CATSPERE: variants seen among roughly 807,000 people sequenced by gnomAD.
CATSPERE encodes the protein cation channel sperm-associated auxiliary subunit epsilon.
Under a neutral mutation model 114.1 loss-of-function variants are expected in CATSPERE, and 93 were observed. That is an observed-to-expected ratio of 0.81 (90% CI 0.69 to 0.97). CATSPERE has a LOEUF of 0.97. CATSPERE is among the 50% of genes least tolerant of loss of function. The probability of loss-of-function intolerance (pLI) is 0.00; values close to 1 mark genes in which losing one functional copy is unlikely to be tolerated. For missense variants in CATSPERE, 1,058 were observed against 1,131.6 expected (o/e 0.93, Z 0.93); for synonymous variants, 341 against 384.1 (o/e 0.89, Z 1.31).
upstream of CATSPERE, chr1:244,451,593 G>C (rs974591264): frequency 4.5e-6 from 7 of 1,565,618 alleles, no homozygotes; most frequent in Admixed American, 1.9e-5. This position sits in a 1 kb window ranked among gnomAD's most constrained non-coding sequence, Gnocchi z 6.6. Flanking sequence ...GGCAGCCCGA[G>C]CTCCCGGGCC....
intron 11 of CATSPERE, among the ~76,000 whole-genome samples, chr1:244,578,843 T>TATATATATATATAC (rs756669283): frequency 3.8e-4 from 53 of 139,588 alleles, no homozygotes; most frequent in African/African-American, 1.0e-3. Context: ...TATATATATA[T>TATATATATATATAC]ACACACACAC....
rs377616105 is a variant in CATSPERE, at chr1:244,629,715, A to G, written c.2649-5774A>G. Among the ~76,000 whole-genome samples, 64 of 151,774 alleles carry G rather than the reference A, an allele frequency of 4.2e-4. 1 individual carries two copies. The highest frequency in any genetic ancestry group is 1.3e-3 in the African/African-American group (52 of 41,378). ...AGTACAATGGCATGATCTCAGCTCA[A>G]TGCAGTCCCTGCCTCCCAAGCTCAA... On this transcript the variant is annotated intron_variant, in intron 20 of 21. Transcript: ENST00000366534.
upstream of CATSPERE, chr1:244,451,824 A>T (rs1242302330): frequency 3.8e-6 from 6 of 1,577,700 alleles, no homozygotes; most frequent in African/African-American, 1.3e-5. This position sits in a 1 kb window ranked among gnomAD's most constrained non-coding sequence, Gnocchi z 6.6. Flanking sequence ...CCATGGCTCC[A>T]GTGACGCGAG....
At chr1:244,494,408 C>T (rs1672750925) in intron 6 of CATSPERE, among the ~76,000 whole-genome samples, 1 of 133,332 alleles carries the variant, frequency 7.5e-6, no homozygotes, top group African/African-American at 2.9e-5. Context: ...ACAATGAGAA[C>T]ACATGGACAC....
At chr1:244,562,416 A>C (rs1206391475) in intron 10 of CATSPERE, among the ~76,000 whole-genome samples, 1 of 152,164 alleles carries the variant, frequency 6.6e-6, no homozygotes, top group Non-Finnish European at 1.5e-5. Flanking sequence ...ATGTACACAC[A>C]CTGATACAAG....
rs1200825424 is a variant in CATSPERE, at chr1:244,633,507, GCTATTGAATTAAATTCAA to G, written c.2649-1981_2649-1964del. On this transcript the variant is annotated intron_variant, in intron 20 of 21. Coordinates refer to ENST00000366534, the MANE Select transcript of CATSPERE (RefSeq NM_001130957.2). The surrounding 1 kb of genome is among the most constrained non-coding windows in gnomAD (Gnocchi z 4.1). ...TCTATTCCAAATCACTTTACAAACT[GCTATTGAATTAAATTCAA>G]AAACAGTCATGACTCCTTTATACAA... is the stretch of plus-strand genomic sequence containing the variant. Among the ~76,000 whole-genome samples the G allele has an allele frequency of 6.6e-6, 1 of 152,024 alleles. No homozygotes were observed. Among genetic ancestry groups the G allele is most frequent in the Non-Finnish European group, 1.5e-5 (1 of 68,032 alleles).
At chr1:244,493,615 T>G (rs1480250974) in intron 6 of CATSPERE, among the ~76,000 whole-genome samples, 1 of 152,076 alleles carries the variant, frequency 6.6e-6, no homozygotes, top group Non-Finnish European at 1.5e-5. Flanking sequence ...CTAATTAAAC[T>G]AAAGAGCTTC....
Position 244,593,382 on chromosome 1 carries a change from GTC to G in CATSPERE, c.2190-11_2190-10del. 6.2e-7 allele frequency: 1 copy of G among 1,611,408 alleles called. No individual in the cohort carries two copies. The highest frequency in any genetic ancestry group is 8.5e-7 in the Non-Finnish European group (1 of 1,179,600). ...AGAGGAAAGAGAAATAATGAGGAAT[GTC>G]TTTTTCACAGGTCATATCTGAGGCA... On this transcript the variant is annotated splice_polypyrimidine_tract_variant and intron_variant, in intron 15 of 21. Transcript: ENST00000366534.
At chr1:244,460,306 C>T (rs770440500), upstream of CATSPERE, among the ~76,000 whole-genome samples, 1 of 152,138 alleles carries the variant, frequency 6.6e-6, no homozygotes, top group South Asian at 2.1e-4. Flanking sequence ...TGCCCTAAAC[C>T]GCTCCTAAGA....
intron 2 of CATSPERE, among the ~76,000 whole-genome samples, chr1:244,467,833 CTG>C (rs1000929166): frequency 5.9e-4 from 90 of 152,280 alleles, no homozygotes; most frequent in African/African-American, 1.9e-3. Context: ...TCACTGTACT[CTG>C]TGAAAGTAGC....
At chr1:244,610,604 T>G (rs1397551958) in intron 19 of CATSPERE, 2 of 487,914 alleles carry the variant, frequency 4.1e-6, no homozygotes, top group Non-Finnish European at 7.5e-6. Flanking sequence ...GCATCAAGAG[T>G]GAGTCTTTGT....
chr1:244,612,817 G>A (rs187911877), intron 19 of CATSPERE, among the ~76,000 whole-genome samples: 77 of 152,240 alleles, frequency 5.1e-4, no homozygotes, highest in Non-Finnish European at 7.4e-4. Context: ...GCGGCACCAC[G>A]CCCGGCCAGG....
At chr1:244,480,816 T>C (rs964354806) in intron 5 of CATSPERE, among the ~76,000 whole-genome samples, 11 of 152,190 alleles carry the variant, frequency 7.2e-5, no homozygotes, top group Non-Finnish European at 5.9e-5. Context: ...TCACTGCCAC[T>C]TTCCCGGAGT....
chr1:244,507,560 C>A (rs147495889), intron 7 of CATSPERE, among the ~76,000 whole-genome samples: 2 of 152,200 alleles, frequency 1.3e-5, no homozygotes, highest in African/African-American at 4.8e-5. Flanking sequence ...AATGTTTGCC[C>A]AGACCAACGT....
intron 18 of CATSPERE, among the ~76,000 whole-genome samples, 193 bp downstream of exon 18, chr1:244,605,987 C>T (rs1192957569): frequency 1.3e-5 from 2 of 152,056 alleles, no homozygotes; most frequent in Non-Finnish European, 2.9e-5. Flanking sequence ...ATAAGACAGA[C>T]ATAAAGGGGT....
At chr1:244,458,121 T>G (rs1226287854), upstream of CATSPERE, among the ~76,000 whole-genome samples, 4 of 152,098 alleles carry the variant, frequency 2.6e-5, no homozygotes, top group East Asian at 7.7e-4. Context: ...GCTAGAAAAT[T>G]TAACAGGTGC....
chr1:244,562,651 G>A (rs1262080541), intron 10 of CATSPERE, among the ~76,000 whole-genome samples: 1 of 152,056 alleles, frequency 6.6e-6, no homozygotes, highest in Non-Finnish European at 1.5e-5. Context: ...ATAATTAGAT[G>A]TTTTATCTAG....
At chr1:244,585,771 G>A (rs1472250557) in intron 13 of CATSPERE, among the ~76,000 whole-genome samples, 1 of 152,216 alleles carries the variant, frequency 6.6e-6, no homozygotes. Flanking sequence ...TTATCTTTTA[G>A]TGTTCAGAGC....
intron 8 of CATSPERE, among the ~76,000 whole-genome samples, chr1:244,520,010 TA>T (rs1677258107): frequency 6.8e-6 from 1 of 148,018 alleles, no homozygotes; most frequent in African/African-American, 2.6e-5. Flanking sequence ...TGACTAGCCC[TA>T]AGAGTTCTTT....
Sources: gnomAD v4.1 joint callset for allele counts (sites outside exome capture counted in the v4.1 genomes callset) on GRCh38, gnomAD v4.1.1 for gene constraint, Gnocchi (gnomAD v3.1) non-coding constraint, MANE v1.5 for transcripts, NCBI Gene and HGNC (gene_info 2026-07-23, HGNC 2026-07-21) for gene names.